Variants in SEMA3E observed in about 807,000 individuals in gnomAD.
SEMA3E encodes the protein semaphorin-3E.
In SEMA3E, 49 loss-of-function variants were observed where a neutral mutation model predicts 93.6. That is an observed-to-expected ratio of 0.52 (90% CI 0.42 to 0.66). The LOEUF is 0.66. Among genes scored for constraint, SEMA3E ranks in the 30% least tolerant of loss-of-function variants. SEMA3E has a pLI of 0.00. For synonymous variants in SEMA3E, 363 were observed against 330.7 expected (o/e 1.10, Z -1.06); for missense variants, 906 against 964.8 (o/e 0.94, Z 0.81).
At chr7:83,412,692 G>T (rs1788464064) in intron 5 of SEMA3E, among the ~76,000 whole-genome samples, 1 of 151,450 alleles carries the variant, frequency 6.6e-6, no homozygotes, top group Admixed American at 6.6e-5. Context: ...AGCCAGGCAG[G>T]TAGAGGCTGC....
intron 4 of SEMA3E, among the ~76,000 whole-genome samples, chr7:83,436,346 G>T (rs2713161): frequency 6.6e-6 from 1 of 150,384 alleles, no homozygotes; most frequent in African/African-American, 2.4e-5. Flanking sequence ...GAGAAGAATA[G>T]AAATAAGAAT....
chr7:83,420,270 C>T (rs539055520), intron 4 of SEMA3E, among the ~76,000 whole-genome samples: 1 of 152,070 alleles, frequency 6.6e-6, no homozygotes, highest in South Asian at 2.1e-4. Context: ...TGAAAGGCCT[C>T]TATAAGGAGA....
chr7:83,488,368 G>C (rs1790310973), intron 2 of SEMA3E, among the ~76,000 whole-genome samples: 2 of 152,184 alleles, frequency 1.3e-5, no homozygotes, highest in Middle Eastern at 6.8e-3. Flanking sequence ...AAGAGAAACA[G>C]GAGAAGGTTT....
intron 1 of SEMA3E, among the ~76,000 whole-genome samples, chr7:83,595,498 C>T (rs1562847789): frequency 6.6e-6 from 1 of 152,040 alleles, no homozygotes; most frequent in Admixed American, 6.6e-5. Flanking sequence ...AGGCTTTATT[C>T]AGATTTCACT....
chr7:83,458,440 A>C (rs752231976), intron 4 of SEMA3E, among the ~76,000 whole-genome samples: 2 of 152,156 alleles, frequency 1.3e-5, no homozygotes, highest in Non-Finnish European at 2.9e-5. Context: ...GAAACCCCTT[A>C]ATTCATGTGG....
intron 1 of SEMA3E, among the ~76,000 whole-genome samples, chr7:83,635,305 T>C (rs1040501882): frequency 2.0e-5 from 3 of 152,010 alleles, no homozygotes; most frequent in Non-Finnish European, 2.9e-5. Flanking sequence ...TAACCCTTTC[T>C]TTAAACATAT....
intron 4 of SEMA3E, among the ~76,000 whole-genome samples, chr7:83,460,457 G>C (rs1043288586): frequency 2.0e-5 from 3 of 151,922 alleles, no homozygotes; most frequent in African/African-American, 7.2e-5. Context: ...GCCTTCCCTT[G>C]GTGTTTAATC....
At chr7:83,425,669 C>A (rs556860754) in intron 4 of SEMA3E, among the ~76,000 whole-genome samples, 2 of 152,222 alleles carry the variant, frequency 1.3e-5, no homozygotes, top group South Asian at 4.1e-4. Flanking sequence ...GCTTTTATAG[C>A]CTGTGTGCCA....
At chr7:83,389,178 T>G (rs1787942955) in intron 14 of SEMA3E, among the ~76,000 whole-genome samples, 1 of 152,094 alleles carries the variant, frequency 6.6e-6, no homozygotes. Context: ...TGATTCTATA[T>G]TGTTTTATAC....
chr7:83,387,884 A>G (rs1247657423), intron 14 of SEMA3E, among the ~76,000 whole-genome samples: 1 of 146,694 alleles, frequency 6.8e-6, no homozygotes, highest in Non-Finnish European at 1.5e-5. Context: ...ATATGTTTAT[A>G]TATATATAAC....
At chr7:83,528,830 A>C (rs1001574144) in intron 1 of SEMA3E, among the ~76,000 whole-genome samples, 6 of 152,126 alleles carry the variant, frequency 3.9e-5, no homozygotes, top group Non-Finnish European at 5.9e-5. Context: ...ATAACATTTA[A>C]ATGAAAAAAT....
At chr7:83,382,678 T>C (rs1030631188) in intron 16 of SEMA3E, among the ~76,000 whole-genome samples, 2 of 151,590 alleles carry the variant, frequency 1.3e-5, no homozygotes, top group African/African-American at 4.8e-5. Context: ...ATTACTTAAT[T>C]ATAATTAATA....
intron 1 of SEMA3E, among the ~76,000 whole-genome samples, chr7:83,574,347 A>C (rs1456431991): frequency 6.6e-6 from 1 of 152,104 alleles, no homozygotes; most frequent in Non-Finnish European, 1.5e-5. Flanking sequence ...ATGATATGGC[A>C]TAGAGCCAGG....
At chr7:83,481,979 A>G (rs1453911814) in intron 2 of SEMA3E, among the ~76,000 whole-genome samples, 1 of 152,172 alleles carries the variant, frequency 6.6e-6, no homozygotes, top group Non-Finnish European at 1.5e-5. Context: ...GCACATTACA[A>G]TCACCTGGGA....
intron 1 of SEMA3E, among the ~76,000 whole-genome samples, chr7:83,546,893 G>T (rs1791662666): frequency 6.6e-6 from 1 of 152,100 alleles, no homozygotes; most frequent in Non-Finnish European, 1.5e-5. Flanking sequence ...AAATTTTATT[G>T]ATGAAGATAC....
intron 4 of SEMA3E, among the ~76,000 whole-genome samples, chr7:83,458,340 GTATATA>G (rs1175550087): frequency 6.6e-6 from 1 of 151,260 alleles, no homozygotes; most frequent in Non-Finnish European, 1.5e-5. Flanking sequence ...CTATATATAT[GTATATA>G]TATTTATTTA....
intron 4 of SEMA3E, among the ~76,000 whole-genome samples, chr7:83,420,647 T>C (rs1007060889): frequency 8.6e-5 from 13 of 152,040 alleles, no homozygotes; most frequent in Non-Finnish European, 1.8e-4. Context: ...TGGAATGAAA[T>C]AGAAAATCCA....
At chr7:83,573,572 T>C (rs1792331621) in intron 1 of SEMA3E, among the ~76,000 whole-genome samples, 2 of 152,096 alleles carry the variant, frequency 1.3e-5, no homozygotes, top group African/African-American at 2.4e-5. Context: ...AACAGGAGGA[T>C]AAAGGCATTT....
intron 15 of SEMA3E, 85 bp from the exon 16 acceptor site, chr7:83,385,518 T>G: frequency 1.9e-5 from 23 of 1,214,394 alleles, no homozygotes; most frequent in Non-Finnish European, 2.4e-5. Context: ...ATCCCTGCAG[T>G]AACATGATTA....
Sources: allele counts gnomAD v4.1 joint callset (sites outside exome capture counted in the v4.1 genomes callset), GRCh38; gene constraint gnomAD v4.1.1; transcripts MANE v1.5; gene names NCBI Gene and HGNC (gene_info 2026-07-23, HGNC 2026-07-21).